The following DEPDC5 variants were observed in gnomAD, a reference collection of about 807,000 sequenced individuals.
DEPDC5 encodes the protein GATOR1 complex protein DEPDC5.
In DEPDC5, 73 loss-of-function variants were observed where a neutral mutation model predicts 217.3. The observed-to-expected ratio is 0.34, with a 90% CI of 0.28 to 0.41. The LOEUF (loss-of-function observed/expected upper bound fraction) is 0.41, where lower values mean the gene tolerates loss of function less well. DEPDC5 is among the 10% of genes least tolerant of loss of function. The pLI, the probability that DEPDC5 is intolerant of heterozygous loss-of-function variation, is 1.00. For synonymous variants in DEPDC5, 733 were observed against 756.7 expected (o/e 0.97, Z 0.51); for missense variants, 1,675 against 2,070.1 (o/e 0.81, Z 3.70).
chr22:31,809,677 C>G (rs1377223258), intron 19 of DEPDC5, 30 bp downstream of exon 19: 20 of 1,612,624 alleles, frequency 1.2e-5, no homozygotes, highest in Non-Finnish European at 1.6e-5. Context: ...TTTTTTCTTG[C>G]TTTTAAAAAG....
intron 31 of DEPDC5, among the ~76,000 whole-genome samples, chr22:31,850,208 A>T (rs1003862858): frequency 1.3e-5 from 2 of 152,060 alleles, no homozygotes; most frequent in South Asian, 4.1e-4. Flanking sequence ...ATGAATTTTT[A>T]TATTAAAAAT....
Position 31,792,901 on chromosome 22 carries a change from A to G in DEPDC5, c.767+84A>G. ...TTAAAAATAAGTCAGCCTGGGCAAC[A>G]TGGCGAAACCCTGTCTCTACCAAAA... On this transcript the variant is annotated intron_variant, in intron 12 of 42. Coordinates refer to ENST00000651528, the MANE Select transcript of DEPDC5 (RefSeq NM_001242896.3). 6 of 1,215,776 alleles carry G rather than the reference A, an allele frequency of 4.9e-6. No homozygotes were observed. The South Asian group carries it at 8.9e-5, about 18-fold the overall frequency. The allele number at this position is 1,215,776 out of a possible 1,614,324, so 75.3% of individuals were successfully genotyped here.
At chr22:31,792,186 CT>C in intron 11 of DEPDC5, 84 bp downstream of exon 11, 4 of 1,018,306 alleles carry the variant, frequency 3.9e-6, no homozygotes, top group Non-Finnish European at 6.0e-6. Context: ...CATTTTTTTC[CT>C]CGTTGCACTT....
chr22:31,833,550 C>T (rs59490415), intron 24 of DEPDC5, among the ~76,000 whole-genome samples: 6,783 of 152,146 alleles, frequency 0.045, 183 homozygotes, highest in African/African-American at 0.066. Context: ...TGCAGTGGCA[C>T]GATCAAAGCT....
intron 31 of DEPDC5, chr22:31,853,284 T>C (rs1337376787): frequency 1.3e-5 from 2 of 152,106 alleles, no homozygotes; most frequent in African/African-American, 2.4e-5. Flanking sequence ...TGAAGAAGCA[T>C]ATCTTGGGGG....
chr22:31,891,935 G>C (rs1365957014), intron 38 of DEPDC5, among the ~76,000 whole-genome samples: 1 of 152,206 alleles, frequency 6.6e-6, no homozygotes, highest in Non-Finnish European at 1.5e-5. Context: ...GAGTTGGTAG[G>C]ATTTCTGAGC....
At chr22:31,766,718 T>G in intron 6 of DEPDC5, 50 bp downstream of exon 6, 1 of 1,508,566 alleles carries the variant, frequency 6.6e-7, no homozygotes, top group Admixed American at 1.7e-5. Context: ...ATTATGTGAA[T>G]AATCCCTGTT....
intron 14 of DEPDC5, among the ~76,000 whole-genome samples, chr22:31,801,077 GA>G (rs2086822470): frequency 6.6e-6 from 1 of 151,560 alleles, no homozygotes. Context: ...GGGATCACCT[GA>G]GGTCAGGAGC....
intron 40 of DEPDC5, among the ~76,000 whole-genome samples, chr22:31,899,607 G>A (rs1488909371): frequency 6.6e-6 from 1 of 152,180 alleles, no homozygotes; most frequent in African/African-American, 2.4e-5. Context: ...GGCCAGGAAG[G>A]TCTTGAATTC....
At chr22:31,778,675 T>G (rs2084126529) in intron 8 of DEPDC5, among the ~76,000 whole-genome samples, 1 of 152,218 alleles carries the variant, frequency 6.6e-6, no homozygotes. Context: ...GTATCTGGCC[T>G]GCATTATGCC....
intron 40 of DEPDC5, among the ~76,000 whole-genome samples, chr22:31,900,357 T>G (rs925729750): frequency 3.3e-5 from 5 of 152,120 alleles, no homozygotes; most frequent in African/African-American, 1.2e-4. Flanking sequence ...CAAATTTTTA[T>G]TTTTATATTT....
chr22:31,795,632 G>A (rs2086157058), intron 12 of DEPDC5, among the ~76,000 whole-genome samples: 1 of 152,148 alleles, frequency 6.6e-6, no homozygotes, highest in Non-Finnish European at 1.5e-5. Context: ...GACCTCAGGT[G>A]ATCCGCCTGC....
At chr22:31,879,954 G>A (rs568775915) in intron 38 of DEPDC5, 1 of 588,432 alleles carries the variant, frequency 1.7e-6, no homozygotes, top group East Asian at 2.9e-5. Context: ...CCAACCAACA[G>A]ACGGTATTTA....
intron 32 of DEPDC5, chr22:31,858,155 T>C (rs1298102937): frequency 6.6e-6 from 1 of 152,234 alleles, no homozygotes; most frequent in East Asian, 1.9e-4. Flanking sequence ...TTCACCCTCA[T>C]CTTTAGCTTT....
rs1217530529 is a variant in DEPDC5, at chr22:31,906,471, G to A, written c.4786G>A (p.Glu1596Lys). ...RLVTFWTSCLEKMHASAP is the reference protein window; with the variant it reads ...RLVTFWTSCLKKMHASAP The stretch of plus-strand genomic sequence containing the variant: ...GGTCACGTTCTGGACAAGTTGCCTG[G>A]AGAAGATGCATGCCAGTGCCCCGTG... Residue 1596 changes from glutamate (E) to lysine (K), a missense_variant, in exon 43 of 43, where the codon GAG becomes AAG. Glu to Lys is a moderately conservative substitution (Grantham distance 56). This residue lies in a region of DEPDC5 where 49 missense variants were observed against 74.7 expected (regional missense o/e 0.66). Transcript: ENST00000651528. This position sits in a 1 kb window ranked among gnomAD's most constrained non-coding sequence, Gnocchi z 5.1. The A allele has an allele frequency of 1.2e-6, 2 of 1,613,276 alleles. No homozygotes were observed. The highest frequency in any genetic ancestry group is 8.5e-7 in the Non-Finnish European group (1 of 1,179,604).
chr22:31,794,939 G>A (rs556160702), intron 12 of DEPDC5, among the ~76,000 whole-genome samples: 1 of 151,962 alleles, frequency 6.6e-6, no homozygotes, highest in East Asian at 1.9e-4. Flanking sequence ...TAGTAGAGAG[G>A]AATTCAAAGC....
At chr22:31,758,962 G>T (rs2082154813) in intron 3 of DEPDC5, among the ~76,000 whole-genome samples, 1 of 150,156 alleles carries the variant, frequency 6.7e-6, no homozygotes, top group African/African-American at 2.5e-5. Flanking sequence ...GAGTGCAGTT[G>T]TGTAATCTCA....
intron 24 of DEPDC5, chr22:31,826,576 A>C: frequency 2.8e-6 from 1 of 358,864 alleles, no homozygotes; most frequent in Non-Finnish European, 5.5e-6. Flanking sequence ...CTGCAACAAT[A>C]CCTCTTCTTT....
intron 7 of DEPDC5, chr22:31,769,685 A>G (rs764166215): frequency 8.5e-5 from 13 of 152,062 alleles, no homozygotes; most frequent in Admixed American, 8.5e-4. Context: ...TGGGATGCTG[A>G]GGTGGGTAGA....
Sources: gnomAD v4.1 joint callset for allele counts (sites outside exome capture counted in the v4.1 genomes callset) on GRCh38, gnomAD v4.1.1 for gene constraint, gnomAD v4.1.1 regional missense constraint, Gnocchi (gnomAD v3.1) non-coding constraint, MANE v1.5 for transcripts, NCBI Gene and HGNC (gene_info 2026-07-23, HGNC 2026-07-21) for gene names.